Variants in FGF13 observed in about 807,000 individuals in gnomAD.
The protein encoded by FGF13 is fibroblast growth factor homologous factor 2.
A neutral mutation model predicts 19.5 loss-of-function variants in FGF13; 2 were observed. The ratio of observed to expected loss-of-function variants is 0.10; its 90% CI spans 0.04 to 0.32. The LOEUF (loss-of-function observed/expected upper bound fraction) is 0.32. FGF13 is among the 10% of genes least tolerant of loss of function. FGF13 has a pLI of 1.00. For missense variants in FGF13, 113 were observed against 192.7 expected, an observed-to-expected ratio of 0.59 and a Z score of 2.45; for synonymous variants, 72 against 76.9, an observed-to-expected ratio of 0.94 and a Z score of 0.33.
At chrX:138,778,796 G>C (rs1394516323) in intron 3 of FGF13, among the ~76,000 whole-genome samples, 3 of 112,585 alleles carry the variant, frequency 2.7e-5, no homozygotes, top group Admixed American at 9.3e-5. Flanking sequence ...CCGGAAGCTC[G>C]AACTGGGTGG....
chrX:138,667,848 A>G lies in FGF13; in HGVS notation c.403-32193T>C, dbSNP rs775499755. The G allele has an allele frequency of 1.4e-5, 4 of 284,804 alleles. No homozygotes were observed. In the East Asian group the frequency reaches 4.2e-4, roughly 30 times the overall value. The allele number at this position is 284,804 out of a possible 1,213,427, so 23.5% of individuals were successfully genotyped here. A position where few individuals can be genotyped will look rare whatever the true frequency, so the allele number is the denominator to read the frequency against. ...TCTTCTGTTGTGATTCTATGTGGGA[A>G]ATGGATGGCTCGTTGAGTTACCTTT... On this transcript the variant is annotated intron_variant, in intron 3 of 4. Transcript: ENST00000315930.
chrX:138,955,549 G>A (rs1237044893), intron 1 of FGF13, among the ~76,000 whole-genome samples: 1 of 112,262 alleles, frequency 8.9e-6, no homozygotes, highest in Admixed American at 9.4e-5. Flanking sequence ...AGGTTACACA[G>A]GTAGTAAGTG....
chrX:138,989,758 A>C (rs2124345598), intron 1 of FGF13, among the ~76,000 whole-genome samples: 1 of 110,906 alleles, frequency 9.0e-6, no homozygotes, highest in South Asian at 3.8e-4. Flanking sequence ...AACTGAAAAA[A>C]AAAAATAGGT....
intron 3 of FGF13, among the ~76,000 whole-genome samples, chrX:138,695,739 C>T (rs1415819349): frequency 3.6e-5 from 4 of 111,892 alleles, no homozygotes; most frequent in Non-Finnish European, 5.6e-5. Flanking sequence ...CAACTAAAAT[C>T]GGACTATAAG....
In FGF13 at chrX:138,984,814, C is replaced by CTGTGTGTGTGTGTG. The variant is rs200719953; in HGVS notation, c.-112-120178_-112-120165dup. On this transcript the variant is annotated intron_variant, in intron 1 of 2. Transcript: ENST00000421460. ...AATGTACTGAGGTCCTATGTCAGTT[C>CTGTGTGTGTGTGTG]TGTGTGTGTGTGTGTGTGTGTGTGT... 7.9e-3 allele frequency among the ~76,000 whole-genome samples: 718 copies of CTGTGTGTGTGTGTG among 90,848 alleles called. 7 individuals carry two copies. The highest frequency in any genetic ancestry group is 0.024 in the African/African-American group (599 of 24,800). 78.9% of individuals were successfully genotyped at this position (90,848 alleles called of 115,157 possible).
intron 1 of FGF13, among the ~76,000 whole-genome samples, chrX:138,998,872 C>T (rs2092057886): frequency 8.9e-6 from 1 of 111,831 alleles, no homozygotes; most frequent in Admixed American, 9.5e-5. Context: ...CCCAAATCAA[C>T]AGAATATACA....
At chrX:139,036,793 A>C (rs2092252080) in intron 1 of FGF13, among the ~76,000 whole-genome samples, 1 of 111,587 alleles carries the variant, frequency 9.0e-6, no homozygotes, top group South Asian at 3.8e-4. Flanking sequence ...GGATGGCAGC[A>C]GACAAAGAGA....
chrX:138,921,497 G>T (rs889137229), intron 1 of FGF13, among the ~76,000 whole-genome samples: 1 of 111,840 alleles, frequency 8.9e-6, no homozygotes, highest in Non-Finnish European at 1.9e-5. Context: ...TATAAGAAAT[G>T]CTACCAAGTT....
In FGF13 at chrX:138,787,092, A is replaced by G. The variant is rs529299457; in HGVS notation, c.217+70420T>C. Among the ~76,000 whole-genome samples the G allele has an allele frequency of 2.4e-4, 27 of 112,883 alleles. 2 individuals are homozygous for G. The South Asian group carries it at 9.8e-3, about 41-fold the overall frequency. On this transcript the variant is annotated intron_variant, in intron 3 of 6. Coordinates refer to the FGF13 transcript ENST00000436198. Reference sequence around the variant, plus strand: ...GCAACAGTTTTAGACTAATTTCTTTAAAGTGGAGGGTTTTGTTTGACTTTT... The same window carrying G: ...GCAACAGTTTTAGACTAATTTCTTTGAAGTGGAGGGTTTTGTTTGACTTTT...
chrX:138,837,264 T>C (rs1028607859), intron 3 of FGF13, among the ~76,000 whole-genome samples: 3 of 111,759 alleles, frequency 2.7e-5, no homozygotes, highest in African/African-American at 9.8e-5. Flanking sequence ...GCCTGAAGAC[T>C]GGAATGGTTA....
At chrX:138,845,305 G>A (rs903740299) in intron 3 of FGF13, among the ~76,000 whole-genome samples, 5 of 111,265 alleles carry the variant, frequency 4.5e-5, no homozygotes, top group Non-Finnish European at 7.5e-5. Flanking sequence ...CATAATGCCT[G>A]GCTTGTGCAA....
At chrX:139,003,262 C>T (rs751717532) in intron 1 of FGF13, among the ~76,000 whole-genome samples, 3 of 109,301 alleles carry the variant, frequency 2.7e-5, no homozygotes, top group South Asian at 4.3e-4. Flanking sequence ...CTTAAGGCAG[C>T]GCGTCTGGAG....
At chrX:139,166,388 T>C (rs1603228605) in intron 1 of FGF13, among the ~76,000 whole-genome samples, 1 of 112,099 alleles carries the variant, frequency 8.9e-6, no homozygotes, top group East Asian at 2.8e-4. Flanking sequence ...GTAAGATTCC[T>C]GAGTCTTCCC....
chrX:139,159,504 A>T lies in FGF13; in HGVS notation c.-113+43912T>A, dbSNP rs1004706100. Reference sequence around the variant, plus strand: ...TATTAACCTTAAATGTAAATAGGCTAAATGCCCAAATTACAAGACACAGAC... The same window carrying T: ...TATTAACCTTAAATGTAAATAGGCTTAATGCCCAAATTACAAGACACAGAC... On this transcript the variant is annotated intron_variant, in intron 1 of 2. Transcript: ENST00000421460. 4.8e-4 allele frequency among the ~76,000 whole-genome samples: 54 copies of T among 111,391 alleles called. 1 individual carries two copies. The highest frequency in any genetic ancestry group is 1.8e-3 in the African/African-American group (54 of 30,552).
chrX:139,129,361 A>G (rs2124477233), intron 1 of FGF13, among the ~76,000 whole-genome samples: 1 of 111,226 alleles, frequency 9.0e-6, no homozygotes, highest in East Asian at 2.8e-4. Flanking sequence ...AGTGATTCTG[A>G]TAACCAGCCC....
intron 1 of FGF13, among the ~76,000 whole-genome samples, chrX:138,938,314 T>A (rs767695183): frequency 8.1e-5 from 9 of 111,225 alleles, no homozygotes; most frequent in African/African-American, 2.9e-4. Context: ...TGAAATAGCA[T>A]GAAAAGATAA....
At chrX:138,828,883 C>T (rs1331594804) in intron 3 of FGF13, among the ~76,000 whole-genome samples, 1 of 111,387 alleles carries the variant, frequency 9.0e-6, no homozygotes. Context: ...AGGACATTCC[C>T]TCTATGGGAA....
intron 1 of FGF13, among the ~76,000 whole-genome samples, chrX:139,109,812 C>A (rs1402550428): frequency 2.7e-5 from 3 of 111,534 alleles, no homozygotes; most frequent in Admixed American, 9.5e-5. Flanking sequence ...CCTAAGGAGA[C>A]CTTAGGGATA....
At chrX:139,142,273 G>T (rs770345132) in intron 1 of FGF13, among the ~76,000 whole-genome samples, 37 of 111,717 alleles carry the variant, frequency 3.3e-4, no homozygotes, top group Admixed American at 9.5e-5. Context: ...TGTCAAGTGA[G>T]AAAATGGCAC....
Sources: gnomAD v4.1 joint callset for allele counts (sites outside exome capture counted in the v4.1 genomes callset) on GRCh38, gnomAD v4.1.1 for gene constraint, MANE v1.5 for transcripts, NCBI Gene and HGNC (gene_info 2026-07-23, HGNC 2026-07-21) for gene names.